Variants in FKBP1A observed in about 807,000 individuals in gnomAD.
FKBP1A encodes the protein peptidyl-prolyl cis-trans isomerase FKBP1A.
FKBP1A carries 5 observed loss-of-function variants against 14.2 expected under a neutral mutation model. The ratio of observed to expected loss-of-function variants is 0.35; its 90% CI spans 0.18 to 0.74. The LOEUF is 0.74. Ranked by LOEUF, FKBP1A falls within the 30% of genes least tolerant of loss-of-function variation. FKBP1A has a pLI of 0.56. For synonymous variants in FKBP1A, 42 were observed against 49.1 expected (o/e 0.86, Z 0.60); for missense variants, 53 against 138.8 (o/e 0.38, Z 3.10).
At position 1,369,979 on chromosome 20, in the gene FKBP1A, A is replaced by T. The variant is rs2089440959; in HGVS notation, c.*130T>A. On this transcript the variant is annotated 3_prime_UTR_variant, in exon 5 of 5. Coordinates refer to ENST00000400137, the MANE Select transcript of FKBP1A (RefSeq NM_000801.5). ...GTGACAGAACACATTCAGTCAGGGC[A>T]GATGTCTATACAAAGTGGAGTGGAA... The T allele has an allele frequency of 6.5e-7, 1 of 1,540,104 alleles. No individual in the cohort carries two copies. The highest frequency in any genetic ancestry group is 1.4e-5 in the African/African-American group (1 of 72,844).
At chr20:1,392,421 C>T (rs1267950119) in intron 2 of FKBP1A, among the ~76,000 whole-genome samples, 1 of 152,132 alleles carries the variant, frequency 6.6e-6, no homozygotes, top group Non-Finnish European at 1.5e-5. Flanking sequence ...GGCAGGGGCA[C>T]AGAAATGGTA....
At chr20:1,372,385 T>A in intron 3 of FKBP1A, 145 bp from the exon 4 acceptor site, 1 of 771,826 alleles carries the variant, frequency 1.3e-6, no homozygotes, top group East Asian at 2.7e-5. Context: ...CATCACCACC[T>A]CCTTGTGCAG....
At chr20:1,378,658 A>G (rs1402496237) in intron 2 of FKBP1A, 1 of 152,174 alleles carries the variant, frequency 6.6e-6, no homozygotes, top group Non-Finnish European at 1.5e-5. Context: ...ATCTCTGTAC[A>G]TGCCTCTCAA....
chr20:1,376,724 T>G (rs1483413622), intron 2 of FKBP1A: 1 of 150,612 alleles, frequency 6.6e-6, no homozygotes, highest in Non-Finnish European at 1.5e-5. Context: ...AATAGTAAAT[T>G]TATAATTTAG....
At chr20:1,389,721 T>C (rs921994825) in intron 2 of FKBP1A, among the ~76,000 whole-genome samples, 8 of 152,214 alleles carry the variant, frequency 5.3e-5, no homozygotes, top group African/African-American at 1.9e-4. Flanking sequence ...GCTCTCACAA[T>C]GGCAGGCACA....
intron 2 of FKBP1A, among the ~76,000 whole-genome samples, chr20:1,392,269 G>C (rs1306079227): frequency 2.6e-5 from 4 of 152,174 alleles, no homozygotes; most frequent in Non-Finnish European, 5.9e-5. Flanking sequence ...GCCAGGAAGG[G>C]CCAAAGCAAT....
intron 4 of FKBP1A, 87 bp downstream of exon 4, chr20:1,371,989 T>C: frequency 6.6e-7 from 1 of 1,510,470 alleles, no homozygotes; most frequent in Non-Finnish European, 8.8e-7. Context: ...GTGGTGTTTT[T>C]TGTTCTCTCT....
intron 2 of FKBP1A, 52 bp from the exon 3 acceptor site, chr20:1,375,655 G>T: frequency 1.5e-6 from 2 of 1,296,900 alleles, no homozygotes; most frequent in Non-Finnish European, 2.2e-6. Flanking sequence ...CACAAGACAA[G>T]TCAGAAACCA....
chr20:1,369,726 C>A lies in FKBP1A; in HGVS notation c.*383G>T, dbSNP rs1018655649. On this transcript the variant is annotated 3_prime_UTR_variant, in exon 5 of 5. Transcript: ENST00000400137. Reference sequence around the variant, plus strand: ...TAAAATAAAATATTCTTGCAAACCCCCCCCCCAACACCAATTCCTATTCTA... The same window carrying A: ...TAAAATAAAATATTCTTGCAAACCCACCCCCCAACACCAATTCCTATTCTA... 32 of 241,686 alleles carry A rather than the reference C, an allele frequency of 1.3e-4. No homozygotes were observed. Among genetic ancestry groups the A allele is most frequent in the African/African-American group, 2.5e-4 (11 of 44,256 alleles). 15.0% of individuals were successfully genotyped at this position (241,686 alleles called of 1,614,324 possible).
intron 2 of FKBP1A, among the ~76,000 whole-genome samples, chr20:1,383,610 G>T: frequency 6.7e-6 from 1 of 149,702 alleles, no homozygotes; most frequent in East Asian, 2.0e-4. Flanking sequence ...AGGAGTTTGA[G>T]ACTGGCATGA....
Position 1,392,939 on chromosome 20 carries a change from AGCC to A in FKBP1A, c.37+20_37+22del. The A allele has an allele frequency of 1.8e-6, 1 of 568,108 alleles. No individual in the cohort carries two copies. Among genetic ancestry groups the A allele is most frequent in the Non-Finnish European group, 2.9e-6 (1 of 349,664 alleles). 35.2% of individuals were successfully genotyped at this position (568,108 alleles called of 1,614,324 possible). Reference sequence around the variant, plus strand: ...TGCGCGCGGCGGCAGAGGTACTCCGAGCCGCCGCGCGCCACTACTCACCGTCTC... The same window carrying A: ...TGCGCGCGGCGGCAGAGGTACTCCGAGCCGCGCGCCACTACTCACCGTCTC... On this transcript the variant is annotated intron_variant, in intron 1 of 4. Coordinates refer to ENST00000400137, the MANE Select transcript of FKBP1A (RefSeq NM_000801.5).
At chr20:1,383,831 T>TA (rs2089642905) in intron 2 of FKBP1A, among the ~76,000 whole-genome samples, 1 of 149,176 alleles carries the variant, frequency 6.7e-6, no homozygotes, top group South Asian at 2.1e-4. Flanking sequence ...AACGAGACTC[T>TA]GTCTCTTAAA....
intron 2 of FKBP1A, among the ~76,000 whole-genome samples, chr20:1,389,948 T>C (rs946069942): frequency 6.6e-6 from 1 of 152,116 alleles, no homozygotes; most frequent in African/African-American, 2.4e-5. Flanking sequence ...ATAGTGAACT[T>C]TGTATTTTCC....
intron 2 of FKBP1A, chr20:1,378,766 G>C (rs2089583263): frequency 6.6e-6 from 1 of 152,220 alleles, no homozygotes; most frequent in Non-Finnish European, 1.5e-5. Context: ...GCAGCCAAAT[G>C]AACACAACTG....
At chr20:1,372,320 G>C in intron 3 of FKBP1A, 80 bp from the exon 4 acceptor site, 1 of 1,480,984 alleles carries the variant, frequency 6.8e-7, no homozygotes, top group Non-Finnish European at 9.3e-7. Flanking sequence ...TGTTTACCTA[G>C]GTGTTCCTTG....
At chr20:1,375,923 C>G (rs1010395333) in intron 2 of FKBP1A, among the ~76,000 whole-genome samples, 1 of 152,120 alleles carries the variant, frequency 6.6e-6, no homozygotes, top group African/African-American at 2.4e-5. Flanking sequence ...CCCAGCACCC[C>G]GTGGATTTTC....
At position 1,392,927 on chromosome 20, in the gene FKBP1A, A is replaced by T. The variant is rs563593192; in HGVS notation, c.37+35T>A. 3.4e-5 allele frequency: 36 copies of T among 1,044,944 alleles called. No individual in the cohort carries two copies. In the African/African-American group the frequency reaches 5.9e-4, roughly 17 times the overall value. 64.7% of individuals were successfully genotyped at this position (1,044,944 alleles called of 1,614,324 possible). On this transcript the variant is annotated intron_variant, in intron 1 of 4. Coordinates refer to ENST00000400137, the MANE Select transcript of FKBP1A (RefSeq NM_000801.5). Reference sequence around the variant, plus strand: ...ATGCTGAGCCGATGCGCGCGGCGGCAGAGGTACTCCGAGCCGCCGCGCGCC... The same window carrying T: ...ATGCTGAGCCGATGCGCGCGGCGGCTGAGGTACTCCGAGCCGCCGCGCGCC...
chr20:1,372,030 G>A (rs1362781248), intron 4 of FKBP1A, 46 bp downstream of exon 4: 3 of 1,583,018 alleles, frequency 1.9e-6, no homozygotes, highest in East Asian at 4.5e-5. Flanking sequence ...CATAACATGG[G>A]AGGAGCAAAG....
chr20:1,370,872 C>A (rs1262825903), intron 4 of FKBP1A: 3 of 985,354 alleles, frequency 3.0e-6, no homozygotes, highest in African/African-American at 3.5e-5. Context: ...TAGGTGCAGA[C>A]CTCTGGGCAG....
Sources: allele counts gnomAD v4.1 joint callset (sites outside exome capture counted in the v4.1 genomes callset), GRCh38; gene constraint gnomAD v4.1.1; transcripts MANE v1.5; gene names NCBI Gene and HGNC (gene_info 2026-07-23, HGNC 2026-07-21).